CACNA1S: variants seen among roughly 807,000 people sequenced by gnomAD.
The protein encoded by CACNA1S is calcium voltage-gated channel subunit alpha1 S, also known as voltage-dependent L-type calcium channel subunit alpha-1S.
In CACNA1S, 126 loss-of-function variants were observed where a neutral mutation model predicts 207.4. That is an observed-to-expected ratio of 0.61 (90% CI 0.53 to 0.70). The LOEUF (loss-of-function observed/expected upper bound fraction) is 0.70, where lower values mean the gene tolerates loss of function less well. Among genes scored for constraint, CACNA1S ranks in the 30% least tolerant of loss-of-function variants. The pLI, the probability that CACNA1S is intolerant of heterozygous loss-of-function variation, is 0.00. For missense variants in CACNA1S, 2,349 were observed against 2,422.8 expected (o/e 0.97, Z 0.64); for synonymous variants, 960 against 932.7 (o/e 1.03, Z -0.53).
rs1662914084 is a variant in CACNA1S, at chr1:201,106,885, G to A, written c.258+3279C>T. 2.6e-5 allele frequency among the ~76,000 whole-genome samples: 4 copies of A among 152,228 alleles called. No individual in the cohort carries two copies. The South Asian group carries it at 8.3e-4, about 32-fold the overall frequency. ...ACCCAGAATCGGGGAGGGCCTTGGAGGCTCAACCTCATAGGTCATTTACTG... is the reference window on the plus strand; with the variant it reads ...ACCCAGAATCGGGGAGGGCCTTGGAAGCTCAACCTCATAGGTCATTTACTG... On this transcript the variant is annotated intron_variant, in intron 2 of 43. Transcript: ENST00000362061.
intron 40 of CACNA1S, among the ~76,000 whole-genome samples, chr1:201,042,643 G>C (rs934510469): frequency 4.6e-5 from 7 of 152,198 alleles, no homozygotes; most frequent in Non-Finnish European, 8.8e-5. Context: ...GGCAGCCCTG[G>C]CCATGAAAAG....
Position 201,062,049 on chromosome 1 carries a change from A to G in CACNA1S, c.2948T>C (p.Ile983Thr). The change falls in exon 24 of 44, where the codon ATA (isoleucine) becomes ACA (threonine). Residue 983 changes from isoleucine (I) to threonine (T), a missense_variant. Transcript: ENST00000362061. ...YVYKDGDPMQ[I>T]ELRHREWVHS... ...TACCCACTCGCGGTGACGCAGCTCTATCTGCATGGGGTCCCCGTCCTTGTA... is the reference window on the plus strand; with the variant it reads ...TACCCACTCGCGGTGACGCAGCTCTGTCTGCATGGGGTCCCCGTCCTTGTA... 3 of 1,614,116 alleles carry G rather than the reference A, an allele frequency of 1.9e-6. No homozygotes were observed. Among genetic ancestry groups the G allele is most frequent in the Non-Finnish European group, 1.7e-6 (2 of 1,179,976 alleles).
Position 201,097,649 on chromosome 1 carries a change from T to C in CACNA1S, c.259-3628A>G, listed in dbSNP as rs144147014. On this transcript the variant is annotated intron_variant, in intron 2 of 43. Transcript: ENST00000362061. ...GCCACGTCATCCTCACATGTGTTTC[T>C]AACTGTGGGGATTCTCCATGGCTTC... Among the ~76,000 whole-genome samples the C allele has an allele frequency of 3.3e-5, 5 of 152,334 alleles. No individual in the cohort carries two copies. In the East Asian group the frequency reaches 9.6e-4, roughly 29 times the overall value.
chr1:201,073,117 C>T (rs949693487), intron 15 of CACNA1S, among the ~76,000 whole-genome samples: 6 of 152,192 alleles, frequency 3.9e-5, no homozygotes, highest in Non-Finnish European at 7.3e-5. Flanking sequence ...CTTCCCCAGG[C>T]CAGGACCTCG....
rs183483312 is a variant in CACNA1S, at chr1:201,100,811, G to A, written c.259-6790C>T. On this transcript the variant is annotated intron_variant, in intron 2 of 43. Coordinates refer to ENST00000362061, the MANE Select transcript of CACNA1S (RefSeq NM_000069.3). ...CGCTTATGAGCCCGGCCCTATTCTG[G>A]CCACATGCATACATTTAATCCTCAC... 1.3e-3 allele frequency among the ~76,000 whole-genome samples: 198 copies of A among 152,062 alleles called. 1 individual carries two copies. Among genetic ancestry groups the A allele is most frequent in the African/African-American group, 4.7e-3 (194 of 41,482 alleles).
In CACNA1S at chr1:201,085,918, A is replaced by T. The variant is rs558840059; in HGVS notation, c.1005-337T>A. The stretch of plus-strand genomic sequence containing the variant: ...ACAAGGCAGTCCATTGCCTAACTGA[A>T]TCAGCCACGGAGCCTCAAATTGGCC... On this transcript the variant is annotated intron_variant, in intron 7 of 43. Coordinates refer to ENST00000362061, the MANE Select transcript of CACNA1S (RefSeq NM_000069.3). 8.5e-5 allele frequency among the ~76,000 whole-genome samples: 13 copies of T among 152,288 alleles called. No individual in the cohort carries two copies. The South Asian group carries it at 1.2e-3, about 15-fold the overall frequency.
chr1:201,065,018 G>A (rs1228799857), intron 22 of CACNA1S, among the ~76,000 whole-genome samples: 1 of 152,210 alleles, frequency 6.6e-6, no homozygotes, highest in Non-Finnish European at 1.5e-5. Context: ...AAGCGGGCAA[G>A]GGTGGGAAGG....
intron 16 of CACNA1S, among the ~76,000 whole-genome samples, chr1:201,071,440 C>T (rs1572044132): frequency 6.6e-6 from 1 of 152,298 alleles, no homozygotes; most frequent in South Asian, 2.1e-4. Flanking sequence ...ATTAATTCTT[C>T]GAGTTAGCAT....
chr1:201,087,520 T>G (rs1168676960), intron 7 of CACNA1S, among the ~76,000 whole-genome samples: 1 of 152,060 alleles, frequency 6.6e-6, no homozygotes, highest in Non-Finnish European at 1.5e-5. Flanking sequence ...GGGGGAAGAC[T>G]TGAGGAGGAG....
chr1:201,050,327 G>A (rs1660606991), intron 34 of CACNA1S, 62 bp downstream of exon 34: 1 of 1,587,292 alleles, frequency 6.3e-7, no homozygotes, highest in South Asian at 1.1e-5. Flanking sequence ...GTGACTCCCT[G>A]TGAGACGGTA....
chr1:201,090,895 T>C (rs542515232), intron 5 of CACNA1S, among the ~76,000 whole-genome samples: 1 of 152,350 alleles, frequency 6.6e-6, no homozygotes, highest in Admixed American at 6.5e-5. Context: ...CAAATATTAC[T>C]GGTTTTGGAA....
At chr1:201,041,439 A>G (rs1206964532) in intron 41 of CACNA1S, 65 bp downstream of exon 41, 1 of 1,253,184 alleles carries the variant, frequency 8.0e-7, no homozygotes, top group Non-Finnish European at 1.2e-6. Flanking sequence ...CTAAGAAAAG[A>G]GTGGGGCTTC....
intron 5 of CACNA1S, among the ~76,000 whole-genome samples, chr1:201,090,793 C>G (rs945881216): frequency 2.6e-5 from 4 of 152,176 alleles, no homozygotes; most frequent in Non-Finnish European, 5.9e-5. Context: ...CACACACACA[C>G]AGAAGTTGAT....
intron 2 of CACNA1S, among the ~76,000 whole-genome samples, chr1:201,108,921 G>A (rs112218324): frequency 0.014 from 2,096 of 152,196 alleles, 56 homozygotes; most frequent in African/African-American, 0.048. Flanking sequence ...TCTTTCTGCC[G>A]TCACCCATCA....
At chr1:201,091,472 G>A (rs1662230284) in intron 5 of CACNA1S, among the ~76,000 whole-genome samples, 168 bp downstream of exon 5, 1 of 152,168 alleles carries the variant, frequency 6.6e-6, no homozygotes, top group South Asian at 2.1e-4. Context: ...GACTCCAGTA[G>A]AGCTGCCCTT....
In CACNA1S at chr1:201,110,253, T is replaced by A. The variant is rs1663048287; in HGVS notation, c.169A>T (p.Ile57Phe). ...IVEWKPFETI[I>F]LLTIFANCVA... ...CAATTGGCAAAGATGGTGAGCAAGA[T>A]GATCGTCTCGAAGGGCCTGGAGCCA... Residue 57 changes from isoleucine (I) to phenylalanine (F), a missense_variant, in exon 2 of 44, where the codon ATC becomes TTC. Physicochemically the swap from Ile to Phe is conservative, Grantham distance 21. Coordinates refer to ENST00000362061, the MANE Select transcript of CACNA1S (RefSeq NM_000069.3). 1.2e-6 allele frequency: 2 copies of A among 1,614,206 alleles called. No homozygotes were observed. The highest frequency in any genetic ancestry group is 1.7e-6 in the Non-Finnish European group (2 of 1,180,028).
Position 201,061,466 on chromosome 1 carries a change from A to G in CACNA1S, c.3056T>C (p.Leu1019Pro), listed in dbSNP as rs1416319550. ...ATTGGAGTCTATGGCCTTGTACAGC[A>G]GCCTGGGGGTGGGCAGAGAAGAGAG... ...TVSTFEGWPQLLYKAIDSNAE... is the reference protein window; with the variant it reads ...TVSTFEGWPQPLYKAIDSNAE... The change falls in exon 25 of 44, where the codon CTG becomes CCG. Residue 1019 changes from leucine (L) to proline (P), a missense_variant and splice_region_variant. By Grantham distance (98) the Leu-to-Pro change is moderately conservative. Transcript: ENST00000362061. 1 of 1,613,528 alleles carries G rather than the reference A, an allele frequency of 6.2e-7. No individual in the cohort carries two copies. The highest frequency in any genetic ancestry group is 2.2e-5 in the East Asian group (1 of 44,874).
intron 40 of CACNA1S, 143 bp from the exon 41 acceptor site, chr1:201,041,732 T>G (rs891351277): frequency 1.5e-4 from 108 of 711,944 alleles, no homozygotes; most frequent in Non-Finnish European, 1.5e-5. Flanking sequence ...AGGGCTGACG[T>G]TTCCACCACT....
intron 36 of CACNA1S, 126 bp from the exon 37 acceptor site, chr1:201,047,752 C>T: frequency 1.4e-6 from 1 of 737,542 alleles, no homozygotes; most frequent in South Asian, 1.5e-5. Context: ...AGTTTTGTGG[C>T]AGCTGCCTTG....
Sources: allele counts gnomAD v4.1 joint callset (sites outside exome capture counted in the v4.1 genomes callset), GRCh38; gene constraint gnomAD v4.1.1; transcripts MANE v1.5; gene names NCBI Gene and HGNC (gene_info 2026-07-23, HGNC 2026-07-21).